The following ACTL6A variants were observed in gnomAD, a reference collection of about 807,000 sequenced individuals.
The protein encoded by ACTL6A is actin-like protein 6A.
Under a neutral mutation model 59.2 loss-of-function variants are expected in ACTL6A, and 5 were observed. That is an observed-to-expected ratio of 0.08 (90% CI 0.04 to 0.18). The LOEUF is 0.18. Ranked by LOEUF, ACTL6A falls within the 10% of genes least tolerant of loss-of-function variation. The pLI is 1.00. For missense variants in ACTL6A, 285 were observed against 526.9 expected, an observed-to-expected ratio of 0.54 and a Z score of 4.49; for synonymous variants, 154 against 171.8, an observed-to-expected ratio of 0.90 and a Z score of 0.81.
chr3:179,581,412 C>T (rs769655956), intron 11 of ACTL6A, among the ~76,000 whole-genome samples, 192 bp downstream of exon 11: 70 of 152,224 alleles, frequency 4.6e-4, no homozygotes, highest in Non-Finnish European at 7.6e-4. Flanking sequence ...CTATGGTGTC[C>T]AGTTTTGTAG....
chr3:179,570,315 A>G lies in ACTL6A; in HGVS notation c.277+74A>G, dbSNP rs899430379. ...TTTAGATACAAAGTAGTAGCTTCCT[A>G]TAAGTTGAACATCAACCATGGTTTT... On this transcript the variant is annotated intron_variant, in intron 3 of 13. Coordinates refer to ENST00000429709, the MANE Select transcript of ACTL6A (RefSeq NM_004301.5). This position sits in a 1 kb window ranked among gnomAD's most constrained non-coding sequence, Gnocchi z 4.3. The G allele has an allele frequency of 8.3e-6, 11 of 1,329,626 alleles. No individual in the cohort carries two copies. Among genetic ancestry groups the G allele is most frequent in the Non-Finnish European group, 1.1e-5 (11 of 998,590 alleles). 82.4% of individuals were successfully genotyped at this position (1,329,626 alleles called of 1,614,324 possible).
Position 179,576,646 on chromosome 3 carries a change from G to C in ACTL6A, c.598G>C (p.Asp200His), listed in dbSNP as rs1214081183. The change falls in exon 7 of 14, where the codon GAC becomes CAC. Residue 200 changes from aspartate to histidine, a missense_variant. Physicochemically the swap from Asp to His is moderately conservative, Grantham distance 81. Transcript: ENST00000429709. Reference protein sequence around the residue: ...QGIVKSPLAGDFITMQCRELF... With the variant: ...QGIVKSPLAGHFITMQCRELF... ...CATTGTGAAATCCCCTCTTGCTGGA[G>C]ACTTTATTACTATGCAGTGCAGAGA... is the stretch of plus-strand genomic sequence containing the variant. The C allele has an allele frequency of 6.2e-7, 1 of 1,613,700 alleles. No individual in the cohort carries two copies. The highest frequency in any genetic ancestry group is 1.7e-5 in the Admixed American group (1 of 60,026).
At chr3:179,574,694 G>C in intron 5 of ACTL6A, 1 of 364,188 alleles carries the variant, frequency 2.7e-6, no homozygotes, top group Non-Finnish European at 5.0e-6. Flanking sequence ...GTGTTAAGAC[G>C]TTTTTGTTTT....
intron 12 of ACTL6A, 47 bp downstream of exon 12, chr3:179,583,495 C>T (rs1366083468): frequency 1.1e-5 from 16 of 1,451,958 alleles, no homozygotes; most frequent in Non-Finnish European, 1.3e-5. Flanking sequence ...CATATATTTC[C>T]TCACTGATGG....
At chr3:179,571,432 C>CA (rs76112974) in intron 3 of ACTL6A, among the ~76,000 whole-genome samples, 175 of 59,520 alleles carry the variant, frequency 2.9e-3, no homozygotes, top group Non-Finnish European at 4.8e-3. Context: ...AAAAAAAAAA[C>CA]AAAAAAAAAA....
chr3:179,588,153 T>A lies in ACTL6A; in HGVS notation c.*143T>A. On this transcript the variant is annotated 3_prime_UTR_variant, in exon 14 of 14. Transcript: ENST00000429709. ...TTTCCACTTAAATTTTTTAAAGCTT[T>A]AACTGGCTCTATAAATTAAGTTTGT... The A allele has an allele frequency of 1.8e-6, 1 of 544,476 alleles. No homozygotes were observed. The highest frequency in any genetic ancestry group is 3.1e-6 in the Non-Finnish European group (1 of 324,402). The allele number at this position is 544,476 out of a possible 1,614,324, so 33.7% of individuals were successfully genotyped here.
chr3:179,586,379 C>G (rs1718488509), intron 12 of ACTL6A, 167 bp from the exon 13 acceptor site: 1 of 488,562 alleles, frequency 2.0e-6, no homozygotes, highest in Non-Finnish European at 3.4e-6. Context: ...AATCCCAGCA[C>G]TTTGGGAGGC....
At chr3:179,575,423 A>G (rs1161212339) in intron 5 of ACTL6A, 3 of 456,486 alleles carry the variant, frequency 6.6e-6, no homozygotes, top group Non-Finnish European at 8.8e-6. Context: ...CATCTACTTC[A>G]CTAAACAGGA....
intron 1 of ACTL6A, among the ~76,000 whole-genome samples, chr3:179,567,195 A>G (rs375946518): frequency 1.0e-3 from 159 of 152,202 alleles, no homozygotes; most frequent in African/African-American, 3.6e-3. Flanking sequence ...GTGAAACCCC[A>G]TGTCTACTAA....
intron 9 of ACTL6A, 47 bp downstream of exon 9, chr3:179,580,748 T>A: frequency 6.8e-7 from 1 of 1,464,324 alleles, no homozygotes; most frequent in Non-Finnish European, 9.3e-7. Flanking sequence ...AGGAAAGGAT[T>A]TGTTTAAAAA....
chr3:179,581,561 GAA>G (rs1718340273), intron 11 of ACTL6A, among the ~76,000 whole-genome samples: 1 of 152,326 alleles, frequency 6.6e-6, no homozygotes, highest in Admixed American at 6.5e-5. Context: ...CATCATCACA[GAA>G]AGTTATTGTA....
At chr3:179,575,229 G>A (rs1576853056) in intron 5 of ACTL6A, 1 of 373,864 alleles carries the variant, frequency 2.7e-6, no homozygotes, top group Admixed American at 3.6e-5. Flanking sequence ...AGACCGTGCT[G>A]AGGTACTTGC....
intron 8 of ACTL6A, among the ~76,000 whole-genome samples, chr3:179,579,806 A>T (rs568519539): frequency 6.6e-6 from 1 of 152,258 alleles, no homozygotes; most frequent in East Asian, 1.9e-4. Context: ...AAATAAAGAC[A>T]GGGTCTCTCT....
intron 8 of ACTL6A, among the ~76,000 whole-genome samples, chr3:179,578,983 T>C (rs1718252383): frequency 6.6e-6 from 1 of 152,172 alleles, no homozygotes; most frequent in Admixed American, 6.5e-5. Context: ...GACCTTGTGA[T>C]CCACCCGCCT....
chr3:179,580,594 A>G, intron 8 of ACTL6A, 46 bp from the exon 9 acceptor site: 1 of 1,329,612 alleles, frequency 7.5e-7, no homozygotes, highest in Non-Finnish European at 1.1e-6. Context: ...ATAGATTACA[A>G]AGATAAATCT....
intron 1 of ACTL6A, among the ~76,000 whole-genome samples, chr3:179,563,478 G>C (rs1188962081): frequency 1.3e-5 from 2 of 152,210 alleles, no homozygotes; most frequent in Non-Finnish European, 2.9e-5. Context: ...GCATCTCCCC[G>C]AGTGCCTCCT....
At chr3:179,564,280 T>C (rs1332904068) in intron 1 of ACTL6A, among the ~76,000 whole-genome samples, 2 of 152,218 alleles carry the variant, frequency 1.3e-5, no homozygotes, top group Non-Finnish European at 2.9e-5. Context: ...ATGCTGTTTC[T>C]ATAAAGGATG....
chr3:179,569,922 AT>A lies in ACTL6A; in HGVS notation c.102+24del, dbSNP rs757724970. On this transcript the variant is annotated intron_variant, in intron 2 of 13. Coordinates refer to ENST00000429709, the MANE Select transcript of ACTL6A (RefSeq NM_004301.5). ...CAAGGTAAGTGTAATGTTAGAGTTA[AT>A]TGGATATGTAAAGCCATTCATGTAA... The A allele has an allele frequency of 9.9e-6, 16 of 1,608,376 alleles. No homozygotes were observed. The East Asian group carries it at 3.6e-4, about 36-fold the overall frequency.
At chr3:179,586,383 G>C (rs1315871695) in intron 12 of ACTL6A, 163 bp from the exon 13 acceptor site, 14 of 493,960 alleles carry the variant, frequency 2.8e-5, no homozygotes, top group Non-Finnish European at 3.4e-5. Context: ...CCAGCACTTT[G>C]GGAGGCTGAG....
Sources: allele counts gnomAD v4.1 joint callset (sites outside exome capture counted in the v4.1 genomes callset), GRCh38; gene constraint gnomAD v4.1.1; non-coding constraint Gnocchi (gnomAD v3.1); transcripts MANE v1.5; gene names NCBI Gene and HGNC (gene_info 2026-07-23, HGNC 2026-07-21).